Variants in CHODL observed in about 807,000 individuals in gnomAD.
CHODL encodes chondrolectin.
Under a neutral mutation model 34.5 loss-of-function variants are expected in CHODL, and 29 were observed. The ratio of observed to expected loss-of-function variants is 0.84; its 90% CI spans 0.63 to 1.15. The LOEUF (loss-of-function observed/expected upper bound fraction) is 1.15, where lower values mean the gene tolerates loss of function less well. Among genes scored for constraint, CHODL ranks in the 50% most tolerant of loss-of-function variants. CHODL has a pLI of 0.00. For missense variants in CHODL, 332 were observed against 332.5 expected (o/e 1.00, Z 0.01); for synonymous variants, 125 against 116.1 (o/e 1.08, Z -0.49).
intron 2 of CHODL, among the ~76,000 whole-genome samples, chr21:18,170,991 G>T (rs922376566): frequency 2.6e-5 from 4 of 151,774 alleles, no homozygotes; most frequent in Admixed American, 1.3e-4. Flanking sequence ...TGTTTACCTG[G>T]AGATATATAA....
intron 1 of CHODL, among the ~76,000 whole-genome samples, chr21:17,948,497 T>C (rs2063430785): frequency 6.6e-6 from 1 of 151,954 alleles, no homozygotes; most frequent in Non-Finnish European, 1.5e-5. Flanking sequence ...TAAGAGTTTG[T>C]TTTTTGAAAA....
chr21:18,061,606 A>G (rs2064666757), intron 2 of CHODL, among the ~76,000 whole-genome samples: 1 of 152,240 alleles, frequency 6.6e-6, no homozygotes, highest in South Asian at 2.1e-4. Context: ...ATATGGGTCT[A>G]GAGACTATAA....
At chr21:17,999,724 ACCTCCCACTGGGTC>A (rs1479342215) in intron 1 of CHODL, among the ~76,000 whole-genome samples, 2 of 152,084 alleles carry the variant, frequency 1.3e-5, no homozygotes, top group East Asian at 3.9e-4. Context: ...ATATTCAATT[ACCTCCCACTGGGTC>A]CCTCCCACAA....
chr21:18,128,667 C>T (rs1035611107), intron 2 of CHODL, among the ~76,000 whole-genome samples: 3 of 152,070 alleles, frequency 2.0e-5, no homozygotes, highest in African/African-American at 7.2e-5. Flanking sequence ...TATCAGAATA[C>T]ATTCTGGAGC....
chr21:18,035,232 A>G (rs1255945781), intron 2 of CHODL, among the ~76,000 whole-genome samples: 1 of 151,946 alleles, frequency 6.6e-6, no homozygotes, highest in Non-Finnish European at 1.5e-5. Context: ...ATTTTGAAAG[A>G]TAATTTGGCT....
At chr21:18,005,001 T>C (rs2063946717) in intron 1 of CHODL, among the ~76,000 whole-genome samples, 1 of 152,274 alleles carries the variant, frequency 6.6e-6, no homozygotes, top group East Asian at 1.9e-4. Context: ...TGTAGCTTTA[T>C]ATACCTCAGC....
At chr21:18,137,992 A>T (rs1280720356) in intron 2 of CHODL, among the ~76,000 whole-genome samples, 1 of 152,204 alleles carries the variant, frequency 6.6e-6, no homozygotes, top group Non-Finnish European at 1.5e-5. Context: ...AGGGACCAAA[A>T]AAAACCTCCA....
intron 2 of CHODL, among the ~76,000 whole-genome samples, chr21:18,191,775 G>C (rs958836177): frequency 2.0e-5 from 3 of 152,150 alleles, no homozygotes; most frequent in Admixed American, 6.5e-5. Context: ...AAATCAGGGA[G>C]TAGCATTGTG....
chr21:18,205,345 A>G (rs955795200), intron 2 of CHODL, among the ~76,000 whole-genome samples: 20 of 152,312 alleles, frequency 1.3e-4, no homozygotes, highest in Admixed American at 7.8e-4. Context: ...AAATGATCAT[A>G]TGGTTTTTTG....
intron 2 of CHODL, among the ~76,000 whole-genome samples, chr21:18,190,701 T>A (rs2073500578): frequency 6.6e-6 from 1 of 152,210 alleles, no homozygotes; most frequent in African/African-American, 2.4e-5. Context: ...TGCAGTGGTT[T>A]GATATGTCAT....
chr21:18,093,125 C>T (rs285949), intron 2 of CHODL, among the ~76,000 whole-genome samples: 64,474 of 151,984 alleles, frequency 0.42, 14,536 homozygotes, highest in Non-Finnish European at 0.51. Flanking sequence ...GGTGCTTCAA[C>T]GCATCTGGTA....
At chr21:18,228,576 A>G (rs2073952014) in intron 2 of CHODL, among the ~76,000 whole-genome samples, 1 of 152,158 alleles carries the variant, frequency 6.6e-6, no homozygotes, top group Non-Finnish European at 1.5e-5. Context: ...TCTCTGCTGT[A>G]TAATTTGGCA....
chr21:18,238,860 T>C (rs553947481), intron 2 of CHODL, among the ~76,000 whole-genome samples: 3 of 152,226 alleles, frequency 2.0e-5, no homozygotes, highest in South Asian at 4.1e-4. Context: ...TCAAAAACAT[T>C]ACTTCTGATT....
intron 2 of CHODL, among the ~76,000 whole-genome samples, chr21:18,148,556 A>G (rs2072927582): frequency 6.6e-6 from 1 of 152,166 alleles, no homozygotes; most frequent in African/African-American, 2.4e-5. Flanking sequence ...AGAAATGGAT[A>G]CAGTACAACC....
chr21:17,982,174 A>G (rs181210953), intron 1 of CHODL, among the ~76,000 whole-genome samples: 2 of 152,148 alleles, frequency 1.3e-5, no homozygotes, highest in Non-Finnish European at 2.9e-5. Flanking sequence ...CTTATCCCCA[A>G]CTTAAGTATA....
chr21:17,951,112 G>A (rs1156252727), intron 1 of CHODL, among the ~76,000 whole-genome samples: 2 of 50,204 alleles, frequency 4.0e-5, no homozygotes, highest in Non-Finnish European at 8.0e-5. Context: ...CTATACGTGT[G>A]TGTGTGTGTG....
chr21:18,086,332 T>A (rs1437383584), intron 2 of CHODL, among the ~76,000 whole-genome samples: 1 of 152,138 alleles, frequency 6.6e-6, no homozygotes. Context: ...ATCAATATTT[T>A]AAATTTTTAT....
chr21:17,975,495 G>A (rs754350404), intron 1 of CHODL, among the ~76,000 whole-genome samples: 2 of 152,034 alleles, frequency 1.3e-5, no homozygotes, highest in Non-Finnish European at 1.5e-5. Context: ...ATAAAGCCTT[G>A]CAATGGCTGA....
chr21:18,043,688 A>G (rs866399279), intron 2 of CHODL, among the ~76,000 whole-genome samples: 5 of 151,924 alleles, frequency 3.3e-5, no homozygotes, highest in African/African-American at 4.8e-5. Context: ...GCTGAAAATG[A>G]TGACATGGGA....
Sources: gnomAD v4.1 joint callset for allele counts (sites outside exome capture counted in the v4.1 genomes callset) on GRCh38, gnomAD v4.1.1 for gene constraint, MANE v1.5 for transcripts, NCBI Gene and HGNC (gene_info 2026-07-23, HGNC 2026-07-21) for gene names.